The following GNRHR variants were observed in gnomAD, a reference collection of about 807,000 sequenced individuals.
GNRHR encodes the protein gonadotropin releasing hormone receptor, also known as gonadotropin-releasing hormone receptor.
A neutral mutation model predicts 28.1 loss-of-function variants in GNRHR; 14 were observed. The ratio of observed to expected loss-of-function variants is 0.50; its 90% CI spans 0.33 to 0.78. The LOEUF (loss-of-function observed/expected upper bound fraction) is 0.78, where lower values mean the gene tolerates loss of function less well. Among genes scored for constraint, GNRHR ranks in the 30% least tolerant of loss-of-function variants. The probability of loss-of-function intolerance (pLI) is 0.02; values close to 1 mark genes in which losing one functional copy is unlikely to be tolerated. For missense variants in GNRHR, 366 were observed against 382.1 expected (o/e 0.96, Z 0.35); for synonymous variants, 141 against 140.5 (o/e 1.00, Z -0.02).
In GNRHR at chr4:67,744,724, A is replaced by G; in HGVS notation, c.586T>C (p.Cys196Arg). 2 of 1,612,386 alleles carry G rather than the reference A, an allele frequency of 1.2e-6. No individual in the cohort carries two copies. The highest frequency in any genetic ancestry group is 1.7e-6 in the Non-Finnish European group (2 of 1,178,338). The change falls in exon 2 of 3, where the codon TGT (cysteine) becomes CGT (arginine). Residue 196 changes from cysteine (C) to arginine (R), a missense_variant. Transcript: ENST00000226413. ...SSGQTKVFSQCVTHCSFSQWW... is the reference protein window; with the variant it reads ...SSGQTKVFSQRVTHCSFSQWW... Reference sequence around the variant, plus strand: ...TGTGAAAAACTGCAGTGTGTTACACATTGAGAGAAAACTTTTGTCTGTCCA... The same window carrying G: ...TGTGAAAAACTGCAGTGTGTTACACGTTGAGAGAAAACTTTTGTCTGTCCA...
Position 67,744,575 on chromosome 4 carries a change from G to T in GNRHR, c.735C>A (p.Asp245Glu), listed in dbSNP as rs777639449. The change falls in exon 2 of 3, where the codon GAC (aspartate) becomes GAA (glutamate). Residue 245 changes from aspartate to glutamate, a missense_variant. Physicochemically the swap from Asp to Glu is conservative, Grantham distance 45. Transcript: ENST00000226413. ...ACTCTAAGGAATACATACCGTGGGG[G>T]TCCTGATGAAGGACCCGTGTCAGGG... Reference protein sequence around the residue: ...IFTLTRVLHQDPHELQLNQSK... With the variant: ...IFTLTRVLHQEPHELQLNQSK... 7.6e-6 allele frequency: 12 copies of T among 1,578,822 alleles called. No individual in the cohort carries two copies. The South Asian group carries it at 1.0e-4, about 13-fold the overall frequency.
rs1731625504 is a variant in GNRHR at position 67,739,936 on chromosome 4, G to C, written c.*544C>G. 6.5e-6 allele frequency: 1 copy of C among 153,074 alleles called. No homozygotes were observed. The highest frequency in any genetic ancestry group is 1.5e-5 in the Non-Finnish European group (1 of 68,690). The allele number at this position is 153,074 out of a possible 1,614,324, so 9.5% of individuals were successfully genotyped here. A position where few individuals can be genotyped will look rare whatever the true frequency, so the allele number is the denominator to read the frequency against. ...TACTGACTCCTCCAAATGTCAGAAT[G>C]CTTTTGAAGCCAAAGAGAAAAATAG... On this transcript the variant is annotated 3_prime_UTR_variant, in exon 3 of 3. Transcript: ENST00000226413.
At chr4:67,748,862 GC>G (rs1419748285) in intron 1 of GNRHR, among the ~76,000 whole-genome samples, 1 of 151,630 alleles carries the variant, frequency 6.6e-6, no homozygotes, top group African/African-American at 2.4e-5. Context: ...GTAATTTTGG[GC>G]ATGTTATATA....
chr4:67,744,864 C>G (rs1731727481), intron 1 of GNRHR, 77 bp from the exon 2 acceptor site: 2 of 827,524 alleles, frequency 2.4e-6, no homozygotes, highest in African/African-American at 3.4e-5. Flanking sequence ...ACTCTGCTAG[C>G]CTTCTAACAT....
chr4:67,740,837 C>T, intron 2 of GNRHR, 113 bp from the exon 3 acceptor site: 1 of 761,904 alleles, frequency 1.3e-6, no homozygotes, highest in Non-Finnish European at 2.3e-6. Flanking sequence ...GAGAAAATTT[C>T]CATTATTTTA....
Position 67,740,546 on chromosome 4 carries a change from G to A in GNRHR, c.921C>T (p.Phe307=), listed in dbSNP as rs779509026. The A allele has an allele frequency of 6.2e-7, 1 of 1,606,170 alleles. No individual in the cohort carries two copies. The highest frequency in any genetic ancestry group is 8.5e-7 in the Non-Finnish European group (1 of 1,172,758). Residue 307 remains phenylalanine (F), a synonymous_variant, in exon 3 of 3, where the codon TTC becomes TTT. Transcript: ENST00000226413. ...GGTTTAAAAAGGCAAAGAGAAAGAA[G>A]AAGTGATTTACTGGGTCTGACAACC... ...LNRLSDPVNH[F]FFLFAFLNPC...
Position 67,754,137 on chromosome 4 carries a change from TCTTCTGTGTCCA to T in GNRHR, c.187_198del (p.Trp63_Lys66del), listed in dbSNP as rs767948707. On this transcript the variant is annotated inframe_deletion, in exon 1 of 3. Coordinates refer to ENST00000226413, the MANE Select transcript of GNRHR (RefSeq NM_000406.3). ...CTTGAGAGCTTTTTCCCTTTCTCTT[TCTTCTGTGTCCA>T]CTTCTGAAGTTTCAACAAGAAAGAA... 1.9e-6 allele frequency: 3 copies of T among 1,614,144 alleles called. No individual in the cohort carries two copies. In the South Asian group the frequency reaches 3.3e-5, roughly 18 times the overall value.
rs935575443 is a variant in GNRHR at position 67,753,643 on chromosome 4, G to T, written c.522+171C>A. The T allele has an allele frequency of 2.7e-5, 17 of 628,120 alleles. No homozygotes were observed. The Admixed American group carries it at 3.0e-4, about 11-fold the overall frequency. 38.9% of individuals were successfully genotyped at this position (628,120 alleles called of 1,614,324 possible). Reference sequence around the variant, plus strand: ...AAGGAACTGAAACCAGAGAGGTTAAGAAGTTTGCCCAAGGTAACAGAACAG... The same window carrying T: ...AAGGAACTGAAACCAGAGAGGTTAATAAGTTTGCCCAAGGTAACAGAACAG... On this transcript the variant is annotated intron_variant, in intron 1 of 2. Coordinates refer to ENST00000226413, the MANE Select transcript of GNRHR (RefSeq NM_000406.3).
rs1303397044 is a variant in GNRHR at position 67,737,710 on chromosome 4, G to A, written c.*2770C>T. On this transcript the variant is annotated 3_prime_UTR_variant, in exon 3 of 3. Coordinates refer to ENST00000226413, the MANE Select transcript of GNRHR (RefSeq NM_000406.3). ...TAATGTAGGCTTTGTTTAATTTATT[G>A]TCATTAGTTAATGTCACTCCTGTAC... Among the ~76,000 whole-genome samples, 1 of 151,602 alleles carries A rather than the reference G, an allele frequency of 6.6e-6. No homozygotes were observed. Among genetic ancestry groups the A allele is most frequent in the African/African-American group, 2.4e-5 (1 of 41,326 alleles).
intron 1 of GNRHR, among the ~76,000 whole-genome samples, chr4:67,745,751 A>T (rs911049542): frequency 2.6e-5 from 4 of 152,060 alleles, no homozygotes; most frequent in African/African-American, 9.7e-5. Flanking sequence ...CAATAATAGG[A>T]CCTATTGACA....
chr4:67,746,403 A>T (rs1480425902), intron 1 of GNRHR, among the ~76,000 whole-genome samples: 1 of 152,072 alleles, frequency 6.6e-6, no homozygotes. Flanking sequence ...AAATGTTGCA[A>T]GTAATTTTCA....
chr4:67,750,387 A>G (rs1731844264), intron 1 of GNRHR, among the ~76,000 whole-genome samples: 1 of 152,138 alleles, frequency 6.6e-6, no homozygotes, highest in African/African-American at 2.4e-5. Flanking sequence ...TTTGTACAGG[A>G]TTTTTTGTAC....
At chr4:67,744,513 AGCAT>A in intron 2 of GNRHR, 51 bp downstream of exon 2, 8 of 968,884 alleles carry the variant, frequency 8.3e-6, no homozygotes, top group South Asian at 7.7e-5. Context: ...CTCTGTTTTG[AGCAT>A]TGCTATTTAA....
At chr4:67,750,866 C>G (rs1186142653) in intron 1 of GNRHR, among the ~76,000 whole-genome samples, 1 of 152,112 alleles carries the variant, frequency 6.6e-6, no homozygotes, top group Non-Finnish European at 1.5e-5. Context: ...CATGGTGAAG[C>G]ATGAGACACA....
chr4:67,748,254 A>G (rs1441246927), intron 1 of GNRHR, among the ~76,000 whole-genome samples: 2 of 152,180 alleles, frequency 1.3e-5, no homozygotes, highest in East Asian at 3.9e-4. Flanking sequence ...TTATCTTCAG[A>G]TGTGTGCTTC....
rs1172894827 is a variant in GNRHR, at chr4:67,740,400, A to G, written c.*80T>C. 2.6e-5 allele frequency: 28 copies of G among 1,070,552 alleles called. No individual in the cohort carries two copies. The highest frequency in any genetic ancestry group is 3.9e-5 in the Non-Finnish European group (27 of 690,320). 66.3% of individuals were successfully genotyped at this position (1,070,552 alleles called of 1,614,324 possible). ...CTTTGTTTGTATGTAAACATGCTCC[A>G]ACATTTGTGTTAATCATTCCCAGAT... On this transcript the variant is annotated 3_prime_UTR_variant, in exon 3 of 3. Transcript: ENST00000226413.
chr4:67,751,594 G>C (rs1039161178), intron 1 of GNRHR: 1 of 152,088 alleles, frequency 6.6e-6, no homozygotes, highest in African/African-American at 2.4e-5. Flanking sequence ...CATCAAGTTA[G>C]ATAAATATTT....
rs963337934 is a variant in GNRHR, at chr4:67,737,291, T to C, written c.*3189A>G. Among the ~76,000 whole-genome samples the C allele has an allele frequency of 6.6e-6, 1 of 152,104 alleles. No homozygotes were observed. The highest frequency in any genetic ancestry group is 2.4e-5 in the African/African-American group (1 of 41,448). ...CTATTGCTGCTATGCATACATTTTA[T>C]ATAACTTTTAAAGTTAGACTAATTG... is the stretch of plus-strand genomic sequence containing the variant. On this transcript the variant is annotated 3_prime_UTR_variant, in exon 3 of 3. Coordinates refer to ENST00000226413, the MANE Select transcript of GNRHR (RefSeq NM_000406.3).
intron 1 of GNRHR, 76 bp downstream of exon 1, chr4:67,753,738 G>T: frequency 8.0e-7 from 1 of 1,245,738 alleles, no homozygotes; most frequent in Non-Finnish European, 1.2e-6. Context: ...TACTTCCTTT[G>T]ATAAGACCTT....
Sources: allele counts gnomAD v4.1 joint callset (sites outside exome capture counted in the v4.1 genomes callset), GRCh38; gene constraint gnomAD v4.1.1; transcripts MANE v1.5; gene names NCBI Gene and HGNC (gene_info 2026-07-23, HGNC 2026-07-21).